The following COL4A2 variants were observed in gnomAD, a reference collection of about 807,000 sequenced individuals.
The protein encoded by COL4A2 is collagen type IV alpha 2 chain.
COL4A2 carries 99 observed loss-of-function variants against 200.2 expected under a neutral mutation model. That is an observed-to-expected ratio of 0.49 (90% confidence interval 0.42 to 0.58). COL4A2 has a LOEUF of 0.58. Among genes scored for constraint, COL4A2 ranks in the 20% least tolerant of loss-of-function variants. The pLI is 0.00. For synonymous variants in COL4A2, 897 were observed against 900.6 expected (o/e 1.00, Z 0.07); for missense variants, 1,950 against 2,314.1 (o/e 0.84, Z 3.23).
intron 28 of COL4A2, among the ~76,000 whole-genome samples, chr13:110,471,738 G>A (rs1271399116): frequency 3.9e-5 from 6 of 152,130 alleles, no homozygotes; most frequent in African/African-American, 7.2e-5. Context: ...GGAGGTCCCC[G>A]GGCCCTGCTC....
rs1025963417 is a variant in COL4A2, at chr13:110,449,675, C to G, written c.1079-4C>G. 8 of 1,540,214 alleles carry G rather than the reference C, an allele frequency of 5.2e-6. No homozygotes were observed. The highest frequency in any genetic ancestry group is 7.0e-6 in the Non-Finnish European group (8 of 1,141,530). On this transcript the variant is annotated splice_polypyrimidine_tract_variant and splice_region_variant and intron_variant, in intron 18 of 47. Transcript: ENST00000360467. The stretch of plus-strand genomic sequence containing the variant: ...TCTTACTGTGGGACTTGTTTCCCTT[C>G]CAGGTGCCAGAGGTGACCCGGGATT...
chr13:110,430,385 A>G lies in COL4A2; in HGVS notation c.550-16A>G. On this transcript the variant is annotated splice_polypyrimidine_tract_variant and intron_variant, in intron 8 of 47. Coordinates refer to ENST00000360467, the MANE Select transcript of COL4A2 (RefSeq NM_001846.4). ...GTTAAAAGCTATCACTCTTAAAATTATTTCTTCTCCATTAGGGTGAACCTG... is the reference window on the plus strand; with the variant it reads ...GTTAAAAGCTATCACTCTTAAAATTGTTTCTTCTCCATTAGGGTGAACCTG... 1 of 1,606,742 alleles carries G rather than the reference A, an allele frequency of 6.2e-7. No individual in the cohort carries two copies. The highest frequency in any genetic ancestry group is 8.5e-7 in the Non-Finnish European group (1 of 1,178,302).
intron 3 of COL4A2, among the ~76,000 whole-genome samples, chr13:110,346,087 G>A (rs1215861955): frequency 1.3e-5 from 2 of 152,184 alleles, no homozygotes; most frequent in African/African-American, 4.8e-5. Flanking sequence ...TGGGGGCCAG[G>A]AGCCAGCAAT....
At chr13:110,388,421 T>C (rs926660725) in intron 4 of COL4A2, among the ~76,000 whole-genome samples, 1 of 152,182 alleles carries the variant, frequency 6.6e-6, no homozygotes, top group Non-Finnish European at 1.5e-5. Context: ...TCTGCCCAAA[T>C]TTCAAGATTT....
At chr13:110,360,160 T>C (rs1319798377) in intron 4 of COL4A2, among the ~76,000 whole-genome samples, 1 of 152,206 alleles carries the variant, frequency 6.6e-6, no homozygotes, top group African/African-American at 2.4e-5. Flanking sequence ...CAGCCTTATA[T>C]GGGCATGGAT....
At chr13:110,346,415 A>G (rs1876701071) in intron 3 of COL4A2, among the ~76,000 whole-genome samples, 1 of 152,196 alleles carries the variant, frequency 6.6e-6, no homozygotes, top group African/African-American at 2.4e-5. Flanking sequence ...AGCAGTGTCT[A>G]TGGCAGGAGT....
intron 28 of COL4A2, 86 bp downstream of exon 28, chr13:110,469,410 C>G (rs1008490921): frequency 7.5e-7 from 1 of 1,341,940 alleles, no homozygotes; most frequent in African/African-American, 1.5e-5. Context: ...CTATTATCTT[C>G]CACTTTGTAG....
At chr13:110,492,752 T>C (rs192938396) in intron 38 of COL4A2, among the ~76,000 whole-genome samples, 7 of 152,300 alleles carry the variant, frequency 4.6e-5, no homozygotes, top group African/African-American at 1.7e-4. Flanking sequence ...GCATGGGACA[T>C]GTCACTCCCC....
At chr13:110,335,882 T>C (rs1876158588) in intron 3 of COL4A2, among the ~76,000 whole-genome samples, 1 of 152,248 alleles carries the variant, frequency 6.6e-6, no homozygotes, top group Non-Finnish European at 1.5e-5. Flanking sequence ...CAGATAGTTG[T>C]GGCACACACT....
Position 110,503,509 on chromosome 13 carries a change from C to T in COL4A2, c.4138+28C>T, listed in dbSNP as rs1252473791. The T allele has an allele frequency of 3.6e-6, 5 of 1,381,792 alleles. No homozygotes were observed. In the African/African-American group the frequency reaches 5.8e-5, roughly 16 times the overall value. The allele number at this position is 1,381,792 out of a possible 1,614,324, so 85.6% of individuals were successfully genotyped here. The stretch of plus-strand genomic sequence containing the variant: ...AAGTGACCGTCTGGTATCTTCAGAG[C>T]TAGTGGCTCAGCCCAGCCTCTCCAG... On this transcript the variant is annotated intron_variant, in intron 43 of 47. Transcript: ENST00000360467.
chr13:110,408,827 A>ATG (rs1879690526), intron 4 of COL4A2, among the ~76,000 whole-genome samples: 1 of 118,712 alleles, frequency 8.4e-6, no homozygotes, highest in African/African-American at 3.2e-5. Flanking sequence ...ACACACATGC[A>ATG]CACACACATA....
intron 40 of COL4A2, among the ~76,000 whole-genome samples, chr13:110,495,881 C>A (rs1883438171): frequency 6.6e-6 from 1 of 152,212 alleles, no homozygotes; most frequent in Admixed American, 6.5e-5. Flanking sequence ...TGTCTTCCCA[C>A]CCCATAGCCT....
At position 110,503,367 on chromosome 13, in the gene COL4A2, CTTGT is replaced by C. The variant is rs756684753; in HGVS notation, c.4040-11_4040-8del. Reference sequence around the variant, plus strand: ...CCACAGACTTTCGTGTCCCTAACGTCTTGTTTGTGTTGCAGGGCCCAGGGGTGAA... The same window carrying C: ...CCACAGACTTTCGTGTCCCTAACGTCTTGTGTTGCAGGGCCCAGGGGTGAA... On this transcript the variant is annotated splice_polypyrimidine_tract_variant and intron_variant, in intron 42 of 47. Coordinates refer to ENST00000360467, the MANE Select transcript of COL4A2 (RefSeq NM_001846.4). 19 of 1,593,294 alleles carry C rather than the reference CTTGT, an allele frequency of 1.2e-5. No individual in the cohort carries two copies. In the East Asian group the frequency reaches 4.3e-4, roughly 36 times the overall value.
rs145284054 is a variant in COL4A2, at chr13:110,378,275, T to C, written c.180+20723T>C. 9.2e-5 allele frequency among the ~76,000 whole-genome samples: 14 copies of C among 152,316 alleles called. No homozygotes were observed. In the East Asian group the frequency reaches 2.7e-3, roughly 29 times the overall value. ...AAGGATTTGCTGCTCAAATCATTTG[T>C]AAATAAAACTCAGATGTAAGGAAAT... is the stretch of plus-strand genomic sequence containing the variant. On this transcript the variant is annotated intron_variant, in intron 4 of 47. Coordinates refer to ENST00000360467, the MANE Select transcript of COL4A2 (RefSeq NM_001846.4).
chr13:110,509,266 TATATAC>T lies in COL4A2; in HGVS notation c.4881+1047_4881+1052del, dbSNP rs1293630153. On this transcript the variant is annotated intron_variant, in intron 47 of 47. Transcript: ENST00000360467. ...TAAATTATATATATATATATATATA[TATATAC>T]ACACACACACACACACACACACACA... Among the ~76,000 whole-genome samples the T allele has an allele frequency of 3.1e-4, 37 of 118,276 alleles. 1 individual carries two copies. The highest frequency in any genetic ancestry group is 8.5e-4 in the African/African-American group (22 of 25,890). 77.6% of individuals were successfully genotyped at this position (118,276 alleles called of 152,430 possible). A position where few individuals can be genotyped will look rare whatever the true frequency, so the allele number is the denominator to read the frequency against.
At chr13:110,481,552 C>G (rs1594099900) in intron 31 of COL4A2, among the ~76,000 whole-genome samples, 1 of 137,074 alleles carries the variant, frequency 7.3e-6, no homozygotes, top group Admixed American at 7.0e-5. Flanking sequence ...ACACACTGCT[C>G]TGTCCTTCCA....
At chr13:110,366,853 G>A (rs1040225847) in intron 4 of COL4A2, among the ~76,000 whole-genome samples, 3 of 152,174 alleles carry the variant, frequency 2.0e-5, no homozygotes, top group African/African-American at 7.2e-5. Flanking sequence ...TAGGAAGCTG[G>A]TCAACCTGAG....
intron 3 of COL4A2, among the ~76,000 whole-genome samples, chr13:110,347,917 T>C (rs748494233): frequency 3.3e-5 from 5 of 152,246 alleles, no homozygotes; most frequent in Admixed American, 2.6e-4. Context: ...CCGAACGTCA[T>C]GCCTCCTGGT....
intron 4 of COL4A2, among the ~76,000 whole-genome samples, chr13:110,371,978 C>A (rs1878031413): frequency 6.6e-6 from 1 of 152,140 alleles, no homozygotes; most frequent in Non-Finnish European, 1.5e-5. Flanking sequence ...GTGGACAAGG[C>A]CGGAACCACA....
Sources: gnomAD v4.1 joint callset for allele counts (sites outside exome capture counted in the v4.1 genomes callset) on GRCh38, gnomAD v4.1.1 for gene constraint, MANE v1.5 for transcripts, NCBI Gene and HGNC (gene_info 2026-07-23, HGNC 2026-07-21) for gene names.